Variants in PTPN14 observed in about 807,000 individuals in gnomAD.
PTPN14 encodes tyrosine-protein phosphatase non-receptor type 14.
In PTPN14, 53 loss-of-function variants were observed where a neutral mutation model predicts 126.8. That is an observed-to-expected ratio of 0.42 (90% CI 0.34 to 0.53). PTPN14 has a LOEUF of 0.53. Among genes scored for constraint, PTPN14 ranks in the 20% least tolerant of loss-of-function variants. The pLI is 0.08. For missense variants in PTPN14, 1,257 were observed against 1,552.9 expected (o/e 0.81, Z 3.20); for synonymous variants, 630 against 599.3 (o/e 1.05, Z -0.75).
intron 1 of PTPN14, among the ~76,000 whole-genome samples, chr1:214,544,514 C>T (rs190316384): frequency 7.2e-4 from 109 of 152,258 alleles, no homozygotes; most frequent in Admixed American, 3.5e-3. Flanking sequence ...CTTTGGGAGG[C>T]CAAGGTGGGA....
intron 3 of PTPN14, among the ~76,000 whole-genome samples, chr1:214,416,659 C>A (rs988767084): frequency 6.6e-6 from 1 of 152,106 alleles, no homozygotes; most frequent in Non-Finnish European, 1.5e-5. Context: ...TGGAAGCCAT[C>A]CAAACTAGGA....
chr1:214,485,158 C>A (rs1661083627), intron 1 of PTPN14, among the ~76,000 whole-genome samples: 1 of 152,116 alleles, frequency 6.6e-6, no homozygotes. Context: ...GAAGATGGAG[C>A]ATAAATGAGA....
At chr1:214,358,165 A>C in intron 18 of PTPN14, 115 bp from the exon 19 acceptor site, 1 of 1,301,028 alleles carries the variant, frequency 7.7e-7, no homozygotes, top group South Asian at 1.6e-5. Flanking sequence ...GTACAAGAGA[A>C]GGCAAGGGAC....
chr1:214,410,397 AT>A (rs899086642), intron 5 of PTPN14, among the ~76,000 whole-genome samples: 5 of 151,296 alleles, frequency 3.3e-5, no homozygotes, highest in African/African-American at 1.2e-4. Context: ...GGTTCAAGCG[AT>A]TCTCCTGCCT....
At chr1:214,484,433 T>C (rs562280318) in intron 1 of PTPN14, among the ~76,000 whole-genome samples, 1 of 152,182 alleles carries the variant, frequency 6.6e-6, no homozygotes, top group South Asian at 2.1e-4. Context: ...TAAATAAACA[T>C]GAATTTGGAA....
Position 214,355,168 on chromosome 1 carries a change from A to C in PTPN14, c.*2754T>G, listed in dbSNP as rs767340315. On this transcript the variant is annotated 3_prime_UTR_variant, in exon 19 of 19. Coordinates refer to ENST00000366956, the MANE Select transcript of PTPN14 (RefSeq NM_005401.5). Reference sequence around the variant, plus strand: ...ACTTTGGCTAGAAAGTTGAATATTAAACCTACTTCCTCCCTGCATTTTGTA... The same window carrying C: ...ACTTTGGCTAGAAAGTTGAATATTACACCTACTTCCTCCCTGCATTTTGTA... The C allele has an allele frequency of 6.6e-6, 1 of 152,230 alleles. No homozygotes were observed. Among genetic ancestry groups the C allele is most frequent in the South Asian group, 2.1e-4 (1 of 4,836 alleles). 9.4% of individuals were successfully genotyped at this position (152,230 alleles called of 1,614,324 possible).
intron 1 of PTPN14, among the ~76,000 whole-genome samples, chr1:214,469,176 GAGA>G (rs1406409795): frequency 3.9e-5 from 6 of 152,196 alleles, no homozygotes; most frequent in African/African-American, 7.2e-5. Flanking sequence ...AATAGGATTA[GAGA>G]AGAAGATCTC....
At chr1:214,536,722 T>TA (rs1277804018) in intron 1 of PTPN14, among the ~76,000 whole-genome samples, 1 of 151,976 alleles carries the variant, frequency 6.6e-6, no homozygotes, top group East Asian at 1.9e-4. Flanking sequence ...CTCAAAAAAA[T>TA]AAAAAAATAC....
rs1193785266 is a variant in PTPN14 at position 214,355,646 on chromosome 1, C to A, written c.*2276G>T. On this transcript the variant is annotated 3_prime_UTR_variant, in exon 19 of 19. Transcript: ENST00000366956. ...CTTGAAGTAGAAGACACAGGGGAAG[C>A]CCTCCATCCCCAGATATTCCGAGTC... 1 of 152,182 alleles carries A rather than the reference C, an allele frequency of 6.6e-6. No individual in the cohort carries two copies. The highest frequency in any genetic ancestry group is 1.5e-5 in the Non-Finnish European group (1 of 68,036). 9.4% of individuals were successfully genotyped at this position (152,182 alleles called of 1,614,324 possible).
At position 214,364,713 on chromosome 1, in the gene PTPN14, C is replaced by T; in HGVS notation, c.3272-38G>A. On this transcript the variant is annotated intron_variant, in intron 17 of 18. Transcript: ENST00000366956. This position sits in a 1 kb window ranked among gnomAD's most constrained non-coding sequence, Gnocchi z 4.1. Reference sequence around the variant, plus strand: ...ATGCAAATTCTGTCACCAAAGTCCTCCATGGCTTCGCATGTAAGTTGGGGA... The same window carrying T: ...ATGCAAATTCTGTCACCAAAGTCCTTCATGGCTTCGCATGTAAGTTGGGGA... 1.9e-6 allele frequency: 3 copies of T among 1,590,900 alleles called. No homozygotes were observed. Among genetic ancestry groups the T allele is most frequent in the Non-Finnish European group, 2.6e-6 (3 of 1,168,284 alleles).
intron 1 of PTPN14, among the ~76,000 whole-genome samples, chr1:214,495,214 A>C (rs1661332842): frequency 6.6e-6 from 1 of 152,182 alleles, no homozygotes; most frequent in African/African-American, 2.4e-5. Context: ...ATACTATTTA[A>C]ACTCTCTGAG....
chr1:214,465,951 C>CTGTTTTTTTTTTTTT (rs1660624945), intron 1 of PTPN14, among the ~76,000 whole-genome samples: 1 of 59,024 alleles, frequency 1.7e-5, no homozygotes, highest in African/African-American at 6.9e-5. Context: ...CAGTTACTTC[C>CTGTTTTTTTTTTTTT]TTTTTTTTTT....
chr1:214,483,060 T>C, intron 1 of PTPN14: 5 of 1,610,346 alleles, frequency 3.1e-6, no homozygotes, highest in African/African-American at 1.3e-5. Flanking sequence ...ACATGGAAAA[T>C]CAAATCCAGT....
At chr1:214,545,943 G>C (rs940804700) in intron 1 of PTPN14, among the ~76,000 whole-genome samples, 2 of 152,080 alleles carry the variant, frequency 1.3e-5, no homozygotes, top group African/African-American at 4.8e-5. Context: ...CGATAGCCAA[G>C]GAGATCCAGC....
chr1:214,399,364 T>G (rs1489188166), intron 7 of PTPN14, among the ~76,000 whole-genome samples: 3 of 152,232 alleles, frequency 2.0e-5, no homozygotes, highest in Non-Finnish European at 4.4e-5. Context: ...ACAACACATG[T>G]CCAGTTTAAG....
At chr1:214,544,119 C>G (rs180836303) in intron 1 of PTPN14, among the ~76,000 whole-genome samples, 1 of 152,298 alleles carries the variant, frequency 6.6e-6, no homozygotes, top group African/African-American at 2.4e-5. Flanking sequence ...TTTCAAAGTG[C>G]TATGGGACTA....
chr1:214,455,522 T>G (rs1221757079), intron 2 of PTPN14, among the ~76,000 whole-genome samples: 1 of 152,148 alleles, frequency 6.6e-6, no homozygotes, highest in Non-Finnish European at 1.5e-5. Context: ...CCAGTTTTCT[T>G]AAGAAAACTA....
chr1:214,396,338 A>G (rs531312722), intron 8 of PTPN14, among the ~76,000 whole-genome samples: 3 of 152,286 alleles, frequency 2.0e-5, no homozygotes, highest in South Asian at 2.1e-4. Context: ...ATTCCCTTAT[A>G]CCAGTACTAA....
intron 9 of PTPN14, 103 bp downstream of exon 9, chr1:214,394,796 T>C: frequency 9.9e-7 from 1 of 1,014,510 alleles, no homozygotes; most frequent in Non-Finnish European, 1.6e-6. Context: ...CAAGGGAGTA[T>C]TTATTATCTC....
Sources: gnomAD v4.1 joint callset for allele counts (sites outside exome capture counted in the v4.1 genomes callset) on GRCh38, gnomAD v4.1.1 for gene constraint, Gnocchi (gnomAD v3.1) non-coding constraint, MANE v1.5 for transcripts, NCBI Gene and HGNC (gene_info 2026-07-23, HGNC 2026-07-21) for gene names.